The following SYTL2 variants were observed in gnomAD, a reference collection of about 807,000 sequenced individuals.
SYTL2 encodes synaptotagmin-like protein 2.
In SYTL2, 165 loss-of-function variants were observed where a neutral mutation model predicts 198.7. The ratio of observed to expected loss-of-function variants is 0.83; its 90% CI spans 0.73 to 0.94. SYTL2 has a LOEUF of 0.94. Among genes scored for constraint, SYTL2 ranks in the 40% least tolerant of loss-of-function variants. The probability of loss-of-function intolerance (pLI) is 0.00; values close to 1 mark genes in which losing one functional copy is unlikely to be tolerated. For missense variants in SYTL2, 2,835 were observed against 2,582.8 expected, an observed-to-expected ratio of 1.10 and a Z score of -2.12; for synonymous variants, 966 against 917.7, an observed-to-expected ratio of 1.05 and a Z score of -0.95.
chr11:85,802,290 C>T (rs1251481875), intron 1 of SYTL2, among the ~76,000 whole-genome samples: 1 of 144,276 alleles, frequency 6.9e-6, no homozygotes, highest in African/African-American at 2.6e-5. Context: ...GGCATGATCT[C>T]AGCTCACTGC....
chr11:85,757,178 C>T (rs531673617), intron 2 of SYTL2, among the ~76,000 whole-genome samples: 1 of 152,292 alleles, frequency 6.6e-6, no homozygotes, highest in African/African-American at 2.4e-5. Flanking sequence ...CCAATTCCAA[C>T]ATTTCTGAAA....
In SYTL2 at chr11:85,726,477, CT is replaced by C; in HGVS notation, c.2880del (p.Val961LeufsTer4). On this transcript the variant is annotated frameshift_variant, in exon 8 of 20. Transcript: ENST00000359152. LOFTEE classifies it high-confidence loss of function. ...TCCATTCTTTCTTTTAGGGACATAA[CT>C]TTAAAGTTGGCATTTGATTCACGAA... ...PLVRESNANF[K>X]VMSLKERMDE... The C allele has an allele frequency of 6.2e-7, 1 of 1,611,460 alleles. No individual in the cohort carries two copies. Among genetic ancestry groups the C allele is most frequent in the South Asian group, 1.1e-5 (1 of 91,064 alleles).
chr11:85,742,104 A>G (rs2090836974), intron 4 of SYTL2, among the ~76,000 whole-genome samples: 1 of 152,176 alleles, frequency 6.6e-6, no homozygotes, highest in South Asian at 2.1e-4. Flanking sequence ...ATGTTTGATT[A>G]CTAGCCATTA....
chr11:85,777,088 C>G (rs1311694776), intron 1 of SYTL2, among the ~76,000 whole-genome samples: 2 of 152,156 alleles, frequency 1.3e-5, no homozygotes, highest in Non-Finnish European at 2.9e-5. Flanking sequence ...TACAGGAAAA[C>G]AAAAGGACAT....
At chr11:85,746,486 C>G (rs1185614138) in intron 3 of SYTL2, among the ~76,000 whole-genome samples, 1 of 152,184 alleles carries the variant, frequency 6.6e-6, no homozygotes, top group Non-Finnish European at 1.5e-5. Flanking sequence ...ATGCATTATT[C>G]TATGAGAGCT....
rs762717489 is a variant in SYTL2, at chr11:85,724,914, T to C, written c.4444A>G (p.Ile1482Val). Residue 1482 changes from isoleucine to valine, a missense_variant, in exon 8 of 20, where the codon ATT (isoleucine) becomes GTT (valine). Transcript: ENST00000359152. Reference sequence around the variant, plus strand: ...GGTTGAACAATTGTTTCCCTCACAATTTCTTCCACTTCCTGAGGGAGGCCT... The same window carrying C: ...GGTTGAACAATTGTTTCCCTCACAACTTCTTCCACTTCCTGAGGGAGGCCT... ...GKGLPQEVEE[I>V]VRETIVQPKS... 4 of 1,614,162 alleles carry C rather than the reference T, an allele frequency of 2.5e-6. No individual in the cohort carries two copies. In the South Asian group the frequency reaches 4.4e-5, roughly 18 times the overall value.
the SYTL2 span, among the ~76,000 whole-genome samples, chr11:85,848,881 G>C: frequency 1.3e-5 from 2 of 152,126 alleles, no homozygotes; most frequent in Non-Finnish European, 2.9e-5. Context: ...TAATTAGGCA[G>C]ACGAAGTAAG....
chr11:85,813,716 TTTCC>T (rs539849388), upstream of SYTL2, among the ~76,000 whole-genome samples: 1,761 of 107,148 alleles, frequency 0.016, 20 homozygotes, highest in Middle Eastern at 0.027. Context: ...CCCTCCCTCC[TTTCC>T]TTCCTTCCTT....
intron 8 of SYTL2, among the ~76,000 whole-genome samples, chr11:85,723,040 C>T (rs866600378): frequency 2.1e-4 from 32 of 152,198 alleles, no homozygotes; most frequent in African/African-American, 7.0e-4. Context: ...AGTTGTGCAA[C>T]TTTGGTTAAA....
At chr11:85,806,985 G>T (rs879355104) in intron 1 of SYTL2, among the ~76,000 whole-genome samples, 3 of 152,264 alleles carry the variant, frequency 2.0e-5, no homozygotes, top group Non-Finnish European at 4.4e-5. Context: ...CAGGAGCACG[G>T]CGTATGCCTG....
the SYTL2 span, among the ~76,000 whole-genome samples, chr11:85,848,566 G>C: frequency 2.2e-4 from 34 of 151,940 alleles, no homozygotes; most frequent in African/African-American, 7.7e-4. Context: ...TTTGCTTATC[G>C]AGTTACTTTT....
intron 1 of SYTL2, among the ~76,000 whole-genome samples, chr11:85,808,877 C>G (rs938298600): frequency 1.1e-5 from 1 of 90,866 alleles, no homozygotes; most frequent in Non-Finnish European, 2.3e-5. Flanking sequence ...GTAAGTTTTC[C>G]TCTTAATTTA....
intron 4 of SYTL2, among the ~76,000 whole-genome samples, chr11:85,739,372 AAAAC>A (rs2090610378): frequency 2.0e-5 from 3 of 151,766 alleles, no homozygotes; most frequent in Admixed American, 1.3e-4. Context: ...AGGAAGAAAC[AAAAC>A]AGTCAGAACA....
the SYTL2 span, among the ~76,000 whole-genome samples, chr11:85,836,439 G>T: frequency 6.6e-6 from 1 of 151,898 alleles, no homozygotes; most frequent in African/African-American, 2.4e-5. Context: ...TAATCTTATA[G>T]TCTCATACAT....
rs372794245 is a variant in SYTL2, at chr11:85,724,051, C to T, written c.5307G>A (p.Glu1769=). ...FSDGNTSSNA[E]SWRNPSSSEE... is the part of the protein sequence containing the mutation. ...GCTCACTGGAAGGATTTCTCCAGCTCTCTGCATTAGAACTGGTGTTTCCAT... is the reference window on the plus strand; with the variant it reads ...GCTCACTGGAAGGATTTCTCCAGCTTTCTGCATTAGAACTGGTGTTTCCAT... The change falls in exon 8 of 20, where the codon GAG becomes GAA. Residue 1769 remains glutamate, a synonymous_variant. Coordinates refer to ENST00000359152, the MANE Select transcript of SYTL2 (RefSeq NM_206927.4). 12 of 1,498,924 alleles carry T rather than the reference C, an allele frequency of 8.0e-6. No homozygotes were observed. Among genetic ancestry groups the T allele is most frequent in the Non-Finnish European group, 1.1e-5 (12 of 1,131,488 alleles). 92.9% of individuals were successfully genotyped at this position (1,498,924 alleles called of 1,614,324 possible). A position where few individuals can be genotyped will look rare whatever the true frequency, so the allele number is the denominator to read the frequency against.
chr11:85,779,847 C>T (rs950075619), intron 1 of SYTL2, among the ~76,000 whole-genome samples: 1 of 152,118 alleles, frequency 6.6e-6, no homozygotes, highest in Admixed American at 6.5e-5. Context: ...AAGAGAGGGG[C>T]CATGATTTTA....
chr11:85,744,309 A>T (rs947347073), intron 4 of SYTL2, among the ~76,000 whole-genome samples: 1 of 152,164 alleles, frequency 6.6e-6, no homozygotes, highest in African/African-American at 2.4e-5. Flanking sequence ...TTCCCATTTT[A>T]AAACTGAGGA....
chr11:85,721,811 G>C (rs1011451265), intron 8 of SYTL2, among the ~76,000 whole-genome samples: 1 of 152,120 alleles, frequency 6.6e-6, no homozygotes, highest in African/African-American at 2.4e-5. Context: ...AATTAGATTT[G>C]GATGTTCTCT....
the SYTL2 span, among the ~76,000 whole-genome samples, chr11:85,837,948 CCTGG>C: frequency 6.6e-6 from 1 of 152,136 alleles, no homozygotes; most frequent in Non-Finnish European, 1.5e-5. Context: ...TAGCAGCATC[CCTGG>C]CCTCTACCCA....
Sources: allele counts gnomAD v4.1 joint callset (sites outside exome capture counted in the v4.1 genomes callset), GRCh38; gene constraint gnomAD v4.1.1; transcripts MANE v1.5; gene names NCBI Gene and HGNC (gene_info 2026-07-23, HGNC 2026-07-21).